The following COMT variants were observed in gnomAD, a reference collection of about 807,000 sequenced individuals.
COMT encodes the protein catechol O-methyltransferase.
In COMT, 13 loss-of-function variants were observed where a neutral mutation model predicts 18.9. That is an observed-to-expected ratio of 0.69 (90% CI 0.45 to 1.09). The LOEUF (loss-of-function observed/expected upper bound fraction) is 1.09. COMT is among the 50% of genes least tolerant of loss of function. COMT has a pLI of 0.00. For synonymous variants in COMT, 150 were observed against 160.9 expected (o/e 0.93, Z 0.51); for missense variants, 329 against 361.8 (o/e 0.91, Z 0.73).
At chr22:19,953,592 C>T (rs1187043374) in intron 1 of COMT, among the ~76,000 whole-genome samples, 2 of 152,138 alleles carry the variant, frequency 1.3e-5, no homozygotes, top group African/African-American at 2.4e-5. Context: ...TGCACCCAGC[C>T]GGCTTTGTTT....
Position 19,968,810 on chromosome 22 carries a change from C to T in COMT, c.*74C>T. 3 of 1,418,598 alleles carry T rather than the reference C, an allele frequency of 2.1e-6. No individual in the cohort carries two copies. Among genetic ancestry groups the T allele is most frequent in the Non-Finnish European group, 1.9e-6 (2 of 1,028,870 alleles). 87.9% of individuals were successfully genotyped at this position (1,418,598 alleles called of 1,614,324 possible). A position where few individuals can be genotyped will look rare whatever the true frequency, so the allele number is the denominator to read the frequency against. The stretch of plus-strand genomic sequence containing the variant: ...AAGGTGCCAGACGTGCTCCTGCTGA[C>T]CTTCTGCGGCTCCGGGCTGTGTCCT... On this transcript the variant is annotated 3_prime_UTR_variant, in exon 6 of 6. Transcript: ENST00000361682.
At chr22:19,946,412 C>A (rs1048954393) in intron 1 of COMT, among the ~76,000 whole-genome samples, 1 of 152,046 alleles carries the variant, frequency 6.6e-6, no homozygotes, top group South Asian at 2.1e-4. Flanking sequence ...CGCTTGAACC[C>A]GGGACATGGA....
intron 1 of COMT, among the ~76,000 whole-genome samples, chr22:19,944,816 C>T (rs1299346868): frequency 6.6e-6 from 1 of 152,050 alleles, no homozygotes; most frequent in Admixed American, 6.5e-5. Context: ...AGCAAGACTG[C>T]GTCTCAAAAA....
At chr22:19,948,307 C>T (rs1440525237) in intron 1 of COMT, among the ~76,000 whole-genome samples, 1 of 151,884 alleles carries the variant, frequency 6.6e-6, no homozygotes, top group Non-Finnish European at 1.5e-5. Context: ...CAGGACAGAT[C>T]CTTTGAGGTC....
chr22:19,958,674 G>C (rs1010496089), intron 1 of COMT, among the ~76,000 whole-genome samples: 3 of 136,582 alleles, frequency 2.2e-5, no homozygotes, highest in Admixed American at 8.0e-5. Context: ...GAGCTCAGGA[G>C]ACTAGCCTGG....
At chr22:19,946,353 T>C (rs1177956901) in intron 1 of COMT, among the ~76,000 whole-genome samples, 3 of 152,036 alleles carry the variant, frequency 2.0e-5, no homozygotes, top group Non-Finnish European at 4.4e-5. Flanking sequence ...CCAGTTGTGG[T>C]AGCAGACGCC....
chr22:19,943,832 G>A (rs1488202699), intron 1 of COMT, among the ~76,000 whole-genome samples: 1 of 152,160 alleles, frequency 6.6e-6, no homozygotes, highest in Non-Finnish European at 1.5e-5. Flanking sequence ...AGTCTGTGAT[G>A]ATGGCATAGG....
chr22:19,965,551 AG>A, intron 5 of COMT: 1 of 152,324 alleles, frequency 6.6e-6, no homozygotes, highest in East Asian at 1.9e-4. Flanking sequence ...CACATTGGCC[AG>A]GATGGTCTCA....
Position 19,955,838 on chromosome 22 carries a change from G to T in COMT, c.-91-5361G>T, listed in dbSNP as rs184647412. 1.3e-4 allele frequency among the ~76,000 whole-genome samples: 20 copies of T among 152,348 alleles called. 1 individual carries two copies. In the East Asian group the frequency reaches 2.9e-3, roughly 22 times the overall value. ...GGCCTTTCCGAGGGTCACTGCAGCC[G>T]CATGTTGGCCCTCTGTGGAGAACGG... On this transcript the variant is annotated intron_variant, in intron 1 of 5. Coordinates refer to ENST00000361682, the MANE Select transcript of COMT (RefSeq NM_000754.4).
At chr22:19,962,350 C>A (rs958107987) in intron 2 of COMT, 177 bp from the exon 3 acceptor site, 1 of 1,156,012 alleles carries the variant, frequency 8.7e-7, no homozygotes. Context: ...CCAGAGGGCA[C>A]GAGAAGGCTG....
chr22:19,950,261 T>TTTTTTTTTTTTTTTTTTG (rs763598655), intron 1 of COMT, among the ~76,000 whole-genome samples: 28 of 132,720 alleles, frequency 2.1e-4, no homozygotes, highest in Non-Finnish European at 3.5e-4. Flanking sequence ...TTTTTTTTTT[T>TTTTTTTTTTTTTTTTTTG]TTCTGTAGAG....
chr22:19,947,343 G>A (rs921994343), intron 1 of COMT, among the ~76,000 whole-genome samples: 59 of 152,340 alleles, frequency 3.9e-4, no homozygotes, highest in African/African-American at 1.4e-3. Flanking sequence ...ACAAGACAAA[G>A]AGATAGAAGA....
chr22:19,941,796 G>A lies in COMT; in HGVS notation c.-193G>A. 2 of 1,535,004 alleles carry A rather than the reference G, an allele frequency of 1.3e-6. No homozygotes were observed. Among genetic ancestry groups the A allele is most frequent in the Non-Finnish European group, 8.7e-7 (1 of 1,151,916 alleles). ...TAATCCCCGCAGCGCCACCGCCATT[G>A]CCGCCATCGTCGTGGGGCTTCTGGG... On this transcript the variant is annotated 5_prime_UTR_variant, in exon 1 of 6. Transcript: ENST00000361682.
At chr22:19,955,475 A>G (rs985594529) in intron 1 of COMT, among the ~76,000 whole-genome samples, 1 of 152,204 alleles carries the variant, frequency 6.6e-6, no homozygotes. Flanking sequence ...ATCAGCCCCA[A>G]AGGGCAGGGC....
chr22:19,949,070 A>G (rs1941886205), intron 1 of COMT, among the ~76,000 whole-genome samples: 1 of 151,930 alleles, frequency 6.6e-6, no homozygotes, highest in Non-Finnish European at 1.5e-5. Context: ...TCTTTTCTGC[A>G]GACTTTCTTG....
chr22:19,944,009 C>T (rs1399350794), intron 1 of COMT, among the ~76,000 whole-genome samples: 2 of 152,132 alleles, frequency 1.3e-5, no homozygotes, highest in Non-Finnish European at 2.9e-5. Context: ...TCAAGTTTTC[C>T]GGCTTCAGTC....
chr22:19,942,269 G>C (rs1182286781), intron 1 of COMT, among the ~76,000 whole-genome samples: 1 of 152,232 alleles, frequency 6.6e-6, no homozygotes. Context: ...GGGTGTGGTA[G>C]AGTCACAGGG....
chr22:19,952,599 A>G lies in COMT; in HGVS notation c.-91-8600A>G, dbSNP rs548485215. On this transcript the variant is annotated intron_variant, in intron 1 of 5. Coordinates refer to ENST00000361682, the MANE Select transcript of COMT (RefSeq NM_000754.4). ...GCTTGCAGTGAGCCGAGATTGCGCC[A>G]CTGCACTCTAGCCTGGGAGACAGAG... is the stretch of plus-strand genomic sequence containing the variant. 5.9e-5 allele frequency among the ~76,000 whole-genome samples: 9 copies of G among 151,622 alleles called. No homozygotes were observed. In the South Asian group the frequency reaches 1.7e-3, roughly 28 times the overall value.
intron 1 of COMT, 175 bp downstream of exon 1, chr22:19,942,072 T>C: frequency 2.6e-6 from 1 of 380,130 alleles, no homozygotes; most frequent in East Asian, 4.5e-5. Context: ...AACTGGGGAA[T>C]TCGGACCTTG....
Sources: gnomAD v4.1 joint callset for allele counts (sites outside exome capture counted in the v4.1 genomes callset) on GRCh38, gnomAD v4.1.1 for gene constraint, MANE v1.5 for transcripts, NCBI Gene and HGNC (gene_info 2026-07-23, HGNC 2026-07-21) for gene names.